Variants in ATP8A2 observed in about 807,000 individuals in gnomAD.
ATP8A2 encodes phospholipid-transporting ATPase IB.
A neutral mutation model predicts 165.6 loss-of-function variants in ATP8A2; 100 were observed. The observed-to-expected ratio is 0.60, with a 90% confidence interval of 0.51 to 0.71. The LOEUF is 0.71. Among genes scored for constraint, ATP8A2 ranks in the 30% least tolerant of loss-of-function variants. The pLI is 0.00. For missense variants in ATP8A2, 1,227 were observed against 1,479.5 expected, an observed-to-expected ratio of 0.83 and a Z score of 2.80; for synonymous variants, 543 against 548.8, an observed-to-expected ratio of 0.99 and a Z score of 0.15.
Position 25,445,682 on chromosome 13 carries a change from C to T in ATP8A2, c.77-23295C>T, listed in dbSNP as rs139672161. ...AATTTTACAGAGGAGGACTCATTGG[C>T]GTCAAATAATGATTAAGATTCCTGT... On this transcript the variant is annotated intron_variant, in intron 1 of 36. Transcript: ENST00000381655. 7.9e-4 allele frequency among the ~76,000 whole-genome samples: 120 copies of T among 152,194 alleles called. 1 individual carries two copies. Among genetic ancestry groups the T allele is most frequent in the African/African-American group, 2.7e-3 (114 of 41,520 alleles).
chr13:25,622,514 G>A (rs757635042), intron 24 of ATP8A2, among the ~76,000 whole-genome samples: 5 of 152,166 alleles, frequency 3.3e-5, no homozygotes, highest in Admixed American at 1.3e-4. Context: ...GGGAAATGGT[G>A]AAATAATCTG....
chr13:25,937,040 C>T (rs947619590), intron 33 of ATP8A2, among the ~76,000 whole-genome samples: 1 of 152,196 alleles, frequency 6.6e-6, no homozygotes, highest in Non-Finnish European at 1.5e-5. Flanking sequence ...TTGCACTCCT[C>T]ATAGCTGTGT....
intron 24 of ATP8A2, among the ~76,000 whole-genome samples, chr13:25,600,002 G>T (rs1014182284): frequency 1.3e-5 from 2 of 152,174 alleles, no homozygotes; most frequent in African/African-American, 4.8e-5. Context: ...CTGCTCAGGA[G>T]ATAAAAACCA....
intron 32 of ATP8A2, among the ~76,000 whole-genome samples, chr13:25,861,823 G>A (rs1012361226): frequency 1.3e-5 from 2 of 152,164 alleles, no homozygotes; most frequent in Non-Finnish European, 2.9e-5. Context: ...GCTTAAAGGG[G>A]CATTGTTAAG....
At chr13:25,914,463 GCACCCTTATC>G (rs1954209628) in intron 33 of ATP8A2, among the ~76,000 whole-genome samples, 1 of 152,130 alleles carries the variant, frequency 6.6e-6, no homozygotes, top group Non-Finnish European at 1.5e-5. Context: ...GTACTGATGA[GCACCCTTATC>G]CATCTCAATG....
Position 25,571,598 on chromosome 13 carries a change from C to T in ATP8A2, c.1580-12C>T. Reference sequence around the variant, plus strand: ...GTGATATGTCAATGTTTCACCAACTCCCACTTGACAGATGAAGCTGCTTTG... The same window carrying T: ...GTGATATGTCAATGTTTCACCAACTTCCACTTGACAGATGAAGCTGCTTTG... On this transcript the variant is annotated splice_polypyrimidine_tract_variant and intron_variant, in intron 17 of 36. Transcript: ENST00000381655. 1 of 1,608,360 alleles carries T rather than the reference C, an allele frequency of 6.2e-7. No homozygotes were observed. The highest frequency in any genetic ancestry group is 1.1e-5 in the South Asian group (1 of 90,744).
intron 27 of ATP8A2, among the ~76,000 whole-genome samples, chr13:25,814,038 C>A (rs1950945744): frequency 6.6e-6 from 1 of 151,890 alleles, no homozygotes; most frequent in Non-Finnish European, 1.5e-5. Context: ...GACCTGCCCA[C>A]CTTTCTAATT....
intron 24 of ATP8A2, among the ~76,000 whole-genome samples, chr13:25,596,696 G>A: frequency 6.6e-6 from 1 of 152,100 alleles, no homozygotes; most frequent in East Asian, 1.9e-4. Context: ...TTTTCAGTTT[G>A]AGGTTATTAT....
chr13:25,760,489 G>A (rs2044359575), intron 25 of ATP8A2, among the ~76,000 whole-genome samples: 1 of 152,036 alleles, frequency 6.6e-6, no homozygotes, highest in South Asian at 2.1e-4. Context: ...TTATATTTGA[G>A]GACTTAACAT....
chr13:25,615,194 T>C (rs572539677), intron 24 of ATP8A2, among the ~76,000 whole-genome samples: 2 of 152,248 alleles, frequency 1.3e-5, no homozygotes, highest in Admixed American at 6.5e-5. Context: ...CAGACTGTCC[T>C]TGGGCAGGGC....
chr13:25,917,347 C>T (rs1379569312), intron 33 of ATP8A2, among the ~76,000 whole-genome samples: 1 of 152,214 alleles, frequency 6.6e-6, no homozygotes, highest in African/African-American at 2.4e-5. Context: ...TCTAAATCTG[C>T]AGAGAACCAG....
intron 27 of ATP8A2, among the ~76,000 whole-genome samples, chr13:25,781,373 CAT>C (rs2044874294): frequency 1.3e-5 from 2 of 152,122 alleles, no homozygotes; most frequent in Admixed American, 6.5e-5. Flanking sequence ...GTTTTGCAAA[CAT>C]ATATTTCCTT....
intron 30 of ATP8A2, among the ~76,000 whole-genome samples, chr13:25,858,821 C>T (rs1952247386): frequency 6.6e-6 from 1 of 152,066 alleles, no homozygotes; most frequent in Non-Finnish European, 1.5e-5. Context: ...TAAGTCAGAA[C>T]TCAACATTGA....
chr13:25,563,854 G>A (rs984113299), intron 15 of ATP8A2, 102 bp from the exon 16 acceptor site: 2 of 754,784 alleles, frequency 2.6e-6, no homozygotes, highest in Admixed American at 2.1e-5. Context: ...ATCCCTATAG[G>A]ACTTTAGGTA....
At chr13:25,807,979 G>A (rs1950778352) in intron 27 of ATP8A2, among the ~76,000 whole-genome samples, 1 of 152,240 alleles carries the variant, frequency 6.6e-6, no homozygotes, top group Middle Eastern at 3.4e-3. Flanking sequence ...CAGTAGCCAT[G>A]CACTTTAGTC....
intron 30 of ATP8A2, among the ~76,000 whole-genome samples, chr13:25,859,221 A>C (rs1262053252): frequency 1.3e-5 from 2 of 151,734 alleles, no homozygotes; most frequent in Non-Finnish European, 2.9e-5. Context: ...ACAAAACAAA[A>C]CAAAACAAAA....
intron 1 of ATP8A2, among the ~76,000 whole-genome samples, chr13:25,442,248 G>A (rs963157758): frequency 6.6e-6 from 1 of 152,120 alleles, no homozygotes; most frequent in Admixed American, 6.5e-5. Flanking sequence ...ATTCTTTTGG[G>A]TACATATATA....
chr13:25,397,695 G>A (rs1003077723), intron 1 of ATP8A2, among the ~76,000 whole-genome samples: 27 of 152,196 alleles, frequency 1.8e-4, no homozygotes, highest in Admixed American at 5.2e-4. Context: ...ACCTGTGACA[G>A]CCTCATCAGG....
chr13:25,531,264 TATATA>T (rs1208931428), intron 4 of ATP8A2, among the ~76,000 whole-genome samples: 1 of 99,012 alleles, frequency 1.0e-5, no homozygotes, highest in Non-Finnish European at 2.1e-5. Flanking sequence ...ATATATATGA[TATATA>T]TGATATATAT....
Sources: gnomAD v4.1 joint callset for allele counts (sites outside exome capture counted in the v4.1 genomes callset) on GRCh38, gnomAD v4.1.1 for gene constraint, MANE v1.5 for transcripts, NCBI Gene and HGNC (gene_info 2026-07-23, HGNC 2026-07-21) for gene names.